Variants in CPED1 observed in about 807,000 individuals in gnomAD.
CPED1 encodes the protein cadherin like and PC-esterase domain containing 1.
CPED1 carries 114 observed loss-of-function variants against 128.2 expected under a neutral mutation model. The ratio of observed to expected loss-of-function variants is 0.89; its 90% CI spans 0.76 to 1.04. CPED1 has a LOEUF of 1.04. Among genes scored for constraint, CPED1 ranks in the 50% least tolerant of loss-of-function variants. CPED1 has a pLI of 0.00. For synonymous variants in CPED1, 462 were observed against 426.7 expected (o/e 1.08, Z -1.02); for missense variants, 1,211 against 1,207.1 (o/e 1.00, Z -0.05).
chr7:121,293,079 C>T (rs1297050078), intron 22 of CPED1, among the ~76,000 whole-genome samples: 1 of 152,164 alleles, frequency 6.6e-6, no homozygotes, highest in Non-Finnish European at 1.5e-5. Context: ...TCTTCGGAGC[C>T]AGCAAGCAGG....
intron 3 of CPED1, among the ~76,000 whole-genome samples, chr7:121,034,388 C>T (rs1240254455): frequency 6.6e-6 from 1 of 151,584 alleles, no homozygotes; most frequent in African/African-American, 2.4e-5. Context: ...GCTGGGATTA[C>T]AGGCATCCAC....
chr7:121,281,358 G>T (rs1394100624), intron 22 of CPED1, among the ~76,000 whole-genome samples: 3 of 152,108 alleles, frequency 2.0e-5, no homozygotes, highest in Admixed American at 2.0e-4. Flanking sequence ...AGTGAAAGTT[G>T]CAATGTTAAG....
intron 2 of CPED1, among the ~76,000 whole-genome samples, chr7:120,994,731 T>G (rs1796366790): frequency 6.6e-6 from 1 of 151,540 alleles, no homozygotes; most frequent in South Asian, 2.1e-4. Context: ...GGTCTAGATG[T>G]TGGAAATGTG....
chr7:121,246,212 T>C (rs1206021135), intron 18 of CPED1, among the ~76,000 whole-genome samples: 1 of 152,238 alleles, frequency 6.6e-6, no homozygotes, highest in Non-Finnish European at 1.5e-5. Flanking sequence ...AGTTCATCAC[T>C]AAATCCTACG....
At chr7:121,209,233 G>A (rs537712521) in intron 16 of CPED1, among the ~76,000 whole-genome samples, 2 of 151,892 alleles carry the variant, frequency 1.3e-5, no homozygotes, top group African/African-American at 4.8e-5. Flanking sequence ...ATGGTCTCAC[G>A]TGATTTCTCA....
intron 13 of CPED1, 142 bp from the exon 14 acceptor site, chr7:121,135,898 C>A: frequency 4.1e-6 from 2 of 484,734 alleles, no homozygotes; most frequent in East Asian, 4.5e-5. Context: ...TTGTAGTTTA[C>A]AGTTTGACTT....
At chr7:121,257,764 G>T (rs892156579) in intron 18 of CPED1, among the ~76,000 whole-genome samples, 1 of 151,848 alleles carries the variant, frequency 6.6e-6, no homozygotes, top group East Asian at 1.9e-4. Flanking sequence ...TCATTACTAA[G>T]ACAAATAAGT....
chr7:121,247,690 G>A (rs1436923180), intron 18 of CPED1, among the ~76,000 whole-genome samples: 2 of 152,086 alleles, frequency 1.3e-5, no homozygotes, highest in Admixed American at 6.5e-5. Flanking sequence ...CATACCCCAC[G>A]GACATTTGAG....
intron 18 of CPED1, among the ~76,000 whole-genome samples, chr7:121,248,157 T>C (rs1204300992): frequency 6.6e-6 from 1 of 152,130 alleles, no homozygotes; most frequent in African/African-American, 2.4e-5. Flanking sequence ...AGCCAGGATA[T>C]GTGGCCAGCA....
At chr7:121,011,788 A>C (rs916920917) in intron 2 of CPED1, among the ~76,000 whole-genome samples, 3 of 152,222 alleles carry the variant, frequency 2.0e-5, no homozygotes, top group African/African-American at 7.2e-5. Flanking sequence ...AGGAAAACAT[A>C]TATCAGGTAT....
At chr7:121,221,410 G>A (rs1223601233) in intron 16 of CPED1, among the ~76,000 whole-genome samples, 3 of 152,192 alleles carry the variant, frequency 2.0e-5, no homozygotes, top group Non-Finnish European at 4.4e-5. Context: ...TGTGAATAGT[G>A]CCACAATAAA....
chr7:121,201,541 AAGG>A (rs1255558779), intron 16 of CPED1, among the ~76,000 whole-genome samples: 1 of 148,018 alleles, frequency 6.8e-6, no homozygotes, highest in Non-Finnish European at 1.5e-5. Context: ...GGAAGGAAGA[AAGG>A]AAGGAAGGAA....
chr7:121,075,686 A>G (rs1318937916), intron 5 of CPED1, among the ~76,000 whole-genome samples: 1 of 151,830 alleles, frequency 6.6e-6, no homozygotes, highest in Non-Finnish European at 1.5e-5. Flanking sequence ...CTGGTCTCGA[A>G]CTCCTGACCT....
chr7:121,206,458 C>T (rs1163364670), intron 16 of CPED1, among the ~76,000 whole-genome samples: 3 of 151,782 alleles, frequency 2.0e-5, no homozygotes, highest in Non-Finnish European at 4.4e-5. Flanking sequence ...AGATATAAAA[C>T]AGCCATGATG....
At chr7:121,276,076 C>T (rs772814806) in intron 22 of CPED1, among the ~76,000 whole-genome samples, 4 of 151,976 alleles carry the variant, frequency 2.6e-5, no homozygotes, top group Non-Finnish European at 4.4e-5. Context: ...AAATTTAATT[C>T]AATAGATATT....
At chr7:121,201,484 CAG>C (rs368768002) in intron 16 of CPED1, among the ~76,000 whole-genome samples, 88 of 139,846 alleles carry the variant, frequency 6.3e-4, no homozygotes, top group Non-Finnish European at 6.5e-4. Flanking sequence ...GAGTGAGAGA[CAG>C]AGAGAGAGAG....
At chr7:121,281,538 C>A (rs1477801329) in intron 22 of CPED1, among the ~76,000 whole-genome samples, 1 of 152,092 alleles carries the variant, frequency 6.6e-6, no homozygotes, top group Non-Finnish European at 1.5e-5. Context: ...TATAAACTGG[C>A]AGATCCCTTA....
intron 5 of CPED1, among the ~76,000 whole-genome samples, chr7:121,084,683 G>C (rs1042797191): frequency 6.6e-6 from 1 of 152,194 alleles, no homozygotes; most frequent in Non-Finnish European, 1.5e-5. Context: ...GTAAAACTGA[G>C]TTTATATGCA....
intron 16 of CPED1, among the ~76,000 whole-genome samples, chr7:121,222,187 T>C (rs1797894495): frequency 6.6e-6 from 1 of 152,202 alleles, no homozygotes; most frequent in Admixed American, 6.5e-5. Context: ...TAGCCAGTTT[T>C]CCCAGCACCA....
Sources: allele counts gnomAD v4.1 joint callset (sites outside exome capture counted in the v4.1 genomes callset), GRCh38; gene constraint gnomAD v4.1.1; transcripts MANE v1.5; gene names NCBI Gene and HGNC (gene_info 2026-07-23, HGNC 2026-07-21).